GPRC6A: variants seen among roughly 807,000 people sequenced by gnomAD.
GPRC6A encodes G protein-coupled receptor family C group 6 member A.
GPRC6A carries 54 observed loss-of-function variants against 47.0 expected under a neutral mutation model. The ratio of observed to expected loss-of-function variants is 1.15; its 90% CI spans 0.92 to 1.44. GPRC6A has a LOEUF of 1.44. Among genes scored for constraint, GPRC6A ranks in the 40% most tolerant of loss-of-function variants. The pLI is 0.00. For missense variants in GPRC6A, 1,112 were observed against 1,105.5 expected (o/e 1.01, Z -0.08); for synonymous variants, 347 against 377.1 (o/e 0.92, Z 0.93).
chr6:116,796,366 A>G (rs1772489336), intron 4 of GPRC6A, among the ~76,000 whole-genome samples: 1 of 152,196 alleles, frequency 6.6e-6, no homozygotes, highest in Non-Finnish European at 1.5e-5. Flanking sequence ...GATTTAAAAG[A>G]CAGGCCTAAA....
intron 1 of GPRC6A, among the ~76,000 whole-genome samples, chr6:116,811,067 C>T (rs1188807045): frequency 6.6e-6 from 1 of 152,142 alleles, no homozygotes; most frequent in Non-Finnish European, 1.5e-5. Context: ...CATACTTAGC[C>T]CATTGCTAAC....
At chr6:116,806,149 C>A (rs9374623) in intron 3 of GPRC6A, among the ~76,000 whole-genome samples, 47,738 of 151,866 alleles carry the variant, frequency 0.31, 8,079 homozygotes, top group East Asian at 0.53. Context: ...AAGAATACAA[C>A]TTTGGTAGGT....
Position 116,793,254 on chromosome 6 carries a change from A to C in GPRC6A, c.1673-4T>G. On this transcript the variant is annotated splice_region_variant and splice_polypyrimidine_tract_variant and intron_variant, in intron 5 of 5. Transcript: ENST00000310357. ...CATAAAAGGCAGTGAGGCATATCTA[A>C]AAGACAGAGGAGACGCAGTTACATT... 1 of 1,574,556 alleles carries C rather than the reference A, an allele frequency of 6.4e-7. No individual in the cohort carries two copies.
chr6:116,812,744 G>A (rs1033234057), intron 1 of GPRC6A, among the ~76,000 whole-genome samples: 1 of 152,160 alleles, frequency 6.6e-6, no homozygotes, highest in Admixed American at 6.5e-5. Context: ...CATAGTGTTG[G>A]AAGTTCTGGC....
chr6:116,800,181 C>A, intron 4 of GPRC6A, among the ~76,000 whole-genome samples: 1 of 141,474 alleles, frequency 7.1e-6, no homozygotes, highest in African/African-American at 3.0e-5. Context: ...AGCAGTCTCC[C>A]CTCCCCTCCC....
chr6:116,828,941 CAG>C lies in GPRC6A; in HGVS notation c.71_72del (p.Pro24ArgfsTer2). ...GGAGAAGTGGCAGCCACAAAGTCATCAGGGGTCTGGCAAGGCTGTGAAGTAGC... is the reference window on the plus strand; with the variant it reads ...GGAGAAGTGGCAGCCACAAAGTCATCGGGTCTGGCAAGGCTGTGAAGTAGC... Reference protein sequence around the residue: ...ILATSQPCQTPDDFVAATSPG... With the variant: ...ILATSQPCQTXDDFVAATSPG... On this transcript the variant is annotated frameshift_variant, in exon 1 of 6. Coordinates refer to ENST00000310357, the MANE Select transcript of GPRC6A (RefSeq NM_148963.4). LOFTEE classifies it high-confidence loss of function. 3 of 1,613,310 alleles carry C rather than the reference CAG, an allele frequency of 1.9e-6. No individual in the cohort carries two copies. The highest frequency in any genetic ancestry group is 2.5e-6 in the Non-Finnish European group (3 of 1,179,548).
In GPRC6A at chr6:116,792,303, T is replaced by C; in HGVS notation, c.2620A>G (p.Met874Val). Residue 874 changes from methionine to valine, a missense_variant, in exon 6 of 6, where the codon ATG (methionine) becomes GTG (valine). Coordinates refer to ENST00000310357, the MANE Select transcript of GPRC6A (RefSeq NM_148963.4). ...IALSPASLDS[M>V]SGNVTMTNPS... ...TTGGTCATTGTGACATTGCCGCTCA[T>C]GGAGTCCAGTGAAGCAGGACTCAGG... is the stretch of plus-strand genomic sequence containing the variant. 2 of 1,614,050 alleles carry C rather than the reference T, an allele frequency of 1.2e-6. No homozygotes were observed. Among genetic ancestry groups the C allele is most frequent in the South Asian group, 1.1e-5 (1 of 91,080 alleles).
chr6:116,821,533 C>G (rs1254898457), intron 1 of GPRC6A, among the ~76,000 whole-genome samples: 4 of 152,108 alleles, frequency 2.6e-5, no homozygotes, highest in Non-Finnish European at 5.9e-5. Flanking sequence ...TGGAACAGAA[C>G]AGAGCCCTCA....
At chr6:116,806,037 C>T (rs776535203) in intron 3 of GPRC6A, among the ~76,000 whole-genome samples, 8 of 152,026 alleles carry the variant, frequency 5.3e-5, no homozygotes, top group African/African-American at 1.2e-4. Flanking sequence ...GATTATTAAA[C>T]GTGTCTGCTC....
At position 116,792,680 on chromosome 6, in the gene GPRC6A, G is replaced by T; in HGVS notation, c.2243C>A (p.Ser748Tyr). Reference sequence around the variant, plus strand: ...CAGCATGGTGCCAAATGCAAGTATGGATCCCTCCTCACACTCCAGGATGAT... The same window carrying T: ...CAGCATGGTGCCAAATGCAAGTATGTATCCCTCCTCACACTCCAGGATGAT... Reference protein sequence around the residue: ...RVIILECEEGSILAFGTMLGY... With the variant: ...RVIILECEEGYILAFGTMLGY... The change falls in exon 6 of 6, where the codon TCC (serine) becomes TAC (tyrosine). Residue 748 changes from serine (S) to tyrosine (Y), a missense_variant. By Grantham distance (144) the Ser-to-Tyr change is moderately radical. Coordinates refer to ENST00000310357, the MANE Select transcript of GPRC6A (RefSeq NM_148963.4). The T allele has an allele frequency of 6.2e-7, 1 of 1,613,346 alleles. No individual in the cohort carries two copies. The highest frequency in any genetic ancestry group is 8.5e-7 in the Non-Finnish European group (1 of 1,179,464).
At position 116,793,210 on chromosome 6, in the gene GPRC6A, C is replaced by A; in HGVS notation, c.1713G>T (p.Trp571Cys). ...HCLLCNNKTH[W>C]APVRSTMCFE... The stretch of plus-strand genomic sequence containing the variant: ...AGCACATAGTGCTCCTAACAGGGGC[C>A]CAGTGAGTTTTGTTGTTGCATAAAA... The change falls in exon 6 of 6, where the codon TGG (tryptophan) becomes TGT (cysteine). Residue 571 changes from tryptophan (W) to cysteine (C), a missense_variant. Trp to Cys is a radical substitution (Grantham distance 215). Transcript: ENST00000310357. The A allele has an allele frequency of 6.2e-7, 1 of 1,604,878 alleles. No individual in the cohort carries two copies. The highest frequency in any genetic ancestry group is 8.5e-7 in the Non-Finnish European group (1 of 1,176,390).
At chr6:116,817,564 C>T (rs945109076) in intron 1 of GPRC6A, among the ~76,000 whole-genome samples, 32 of 152,198 alleles carry the variant, frequency 2.1e-4, no homozygotes, top group African/African-American at 7.7e-4. Context: ...AAGAAGGCTT[C>T]AGATGATCAA....
At chr6:116,816,626 C>T (rs373623571) in intron 1 of GPRC6A, among the ~76,000 whole-genome samples, 8 of 152,200 alleles carry the variant, frequency 5.3e-5, no homozygotes, top group South Asian at 2.1e-4. Context: ...TCTGAGGTAC[C>T]GGGTTCATCT....
At chr6:116,803,245 C>G (rs1250002614) in intron 3 of GPRC6A, among the ~76,000 whole-genome samples, 1 of 152,006 alleles carries the variant, frequency 6.6e-6, no homozygotes, top group Admixed American at 6.6e-5. Flanking sequence ...TCTTTTCATC[C>G]TTATTTTCAT....
intron 3 of GPRC6A, among the ~76,000 whole-genome samples, chr6:116,804,926 A>G (rs1010471390): frequency 3.3e-5 from 5 of 151,926 alleles, no homozygotes; most frequent in Admixed American, 2.6e-4. Flanking sequence ...CTAAAATTCT[A>G]TGTGGTGGTA....
chr6:116,797,153 G>A lies in GPRC6A; in HGVS notation c.1549-1318C>T, dbSNP rs527925682. 1.9e-4 allele frequency among the ~76,000 whole-genome samples: 29 copies of A among 151,958 alleles called. No homozygotes were observed. The South Asian group carries it at 5.4e-3, about 28-fold the overall frequency. Reference sequence around the variant, plus strand: ...GAGGTGTTTGGTTTTTTGTTCTTGCGATAGTTTACTGAGAATGATGATTTC... The same window carrying A: ...GAGGTGTTTGGTTTTTTGTTCTTGCAATAGTTTACTGAGAATGATGATTTC... On this transcript the variant is annotated intron_variant, in intron 4 of 5. Transcript: ENST00000310357.
Position 116,793,270 on chromosome 6 carries a change from C to G in GPRC6A, c.1673-20G>C. 6.5e-7 allele frequency: 1 copy of G among 1,534,282 alleles called. No individual in the cohort carries two copies. ...GCATATCTAAAAGACAGAGGAGACG[C>G]AGTTACATTGTCAACATTTAAACTA... On this transcript the variant is annotated intron_variant, in intron 5 of 5. Coordinates refer to ENST00000310357, the MANE Select transcript of GPRC6A (RefSeq NM_148963.4).
At position 116,807,173 on chromosome 6, in the gene GPRC6A, C is replaced by T. The variant is rs773802327; in HGVS notation, c.532G>A (p.Asp178Asn). Residue 178 changes from aspartate (D) to asparagine (N), a missense_variant, in exon 3 of 6, where the codon GAC becomes AAC. Transcript: ENST00000310357. ...AAAAATGAAGGAAAGCGAATTTTGT[C>T]ACTCAGGATTTCTGCAGTTGATTCA... ...GYESTAEILS[D>N]KIRFPSFLRT... The T allele has an allele frequency of 9.3e-6, 15 of 1,612,924 alleles. No individual in the cohort carries two copies. The highest frequency in any genetic ancestry group is 1.3e-5 in the African/African-American group (1 of 74,880).
rs1435892295 is a variant in GPRC6A at position 116,800,598 on chromosome 6, A to G, written c.1534T>C (p.Phe512Leu). Residue 512 changes from phenylalanine to leucine, a missense_variant, in exon 4 of 6, where the codon TTC (phenylalanine) becomes CTC (leucine). Physicochemically the swap from Phe to Leu is conservative, Grantham distance 22 (BLOSUM62 0). Coordinates refer to ENST00000310357, the MANE Select transcript of GPRC6A (RefSeq NM_148963.4). Reference protein sequence around the residue: ...IIPDQETKNEFRNLKQIQSKC... With the variant: ...IIPDQETKNELRNLKQIQSKC... ...AACAAGGTTACCTTAAGATTCCTGA[A>G]CTCATTTTTTGTTTCCTGATCTGGG... 6.2e-6 allele frequency: 10 copies of G among 1,611,960 alleles called. No homozygotes were observed. Among genetic ancestry groups the G allele is most frequent in the African/African-American group, 1.3e-5 (1 of 74,772 alleles).
Sources: allele counts gnomAD v4.1 joint callset (sites outside exome capture counted in the v4.1 genomes callset), GRCh38; gene constraint gnomAD v4.1.1; transcripts MANE v1.5; gene names NCBI Gene and HGNC (gene_info 2026-07-23, HGNC 2026-07-21).